Variants in LARS1 observed in about 807,000 individuals in gnomAD.
The protein encoded by LARS1 is leucine--tRNA ligase, cytoplasmic.
A neutral mutation model predicts 162.8 loss-of-function variants in LARS1; 100 were observed. The observed-to-expected ratio is 0.61, with a 90% CI of 0.52 to 0.73. LARS1 has a LOEUF of 0.73. Ranked by LOEUF, LARS1 falls within the 30% of genes least tolerant of loss-of-function variation. The pLI, the probability that LARS1 is intolerant of heterozygous loss-of-function variation, is 0.00. For synonymous variants in LARS1, 457 were observed against 462.8 expected (o/e 0.99, Z 0.16); for missense variants, 1,258 against 1,408.9 (o/e 0.89, Z 1.71).
At chr5:146,135,769 A>C in intron 21 of LARS1, 105 bp from the exon 22 acceptor site, 1 of 719,658 alleles carries the variant, frequency 1.4e-6, no homozygotes, top group Non-Finnish European at 2.2e-6. Context: ...AAAAACAAAA[A>C]AGAATTCAAA....
intron 2 of LARS1, among the ~76,000 whole-genome samples, chr5:146,174,119 A>G (rs1754398656): frequency 7.0e-6 from 1 of 143,444 alleles, no homozygotes; most frequent in African/African-American, 2.6e-5. Flanking sequence ...ACCAGAGACT[A>G]TATTACAGCA....
At chr5:146,117,453 T>C (rs1561793421) in intron 31 of LARS1, among the ~76,000 whole-genome samples, 1 of 152,036 alleles carries the variant, frequency 6.6e-6, no homozygotes, top group Non-Finnish European at 1.5e-5. Context: ...CTACTAAAAA[T>C]AGAAAAATTA....
rs1217443225 is a variant in LARS1 at position 146,126,519 on chromosome 5, G to T, written c.2907C>A (p.Asn969Lys). The change falls in exon 28 of 32, where the codon AAC (asparagine) becomes AAA (lysine). Residue 969 changes from asparagine to lysine, a missense_variant. Asn to Lys is a moderately conservative substitution (Grantham distance 94). Transcript: ENST00000394434. ...TGCCTAGTTCACTAGCAATGACTTT[G>T]TTGTCAGGCAGTTTTCCGTTATTGG... ...FEANNGKLPD[N>K]KVIASELGSM... The T allele has an allele frequency of 1.9e-6, 3 of 1,612,024 alleles. No individual in the cohort carries two copies.
At chr5:146,143,927 G>A (rs994864529) in intron 18 of LARS1, among the ~76,000 whole-genome samples, 47 of 152,100 alleles carry the variant, frequency 3.1e-4, no homozygotes, top group African/African-American at 1.0e-3. Context: ...GCTTGAACCC[G>A]GGAGGCAGAG....
chr5:146,140,888 TATATATACAC>T (rs1379120079), intron 20 of LARS1, among the ~76,000 whole-genome samples: 3 of 152,018 alleles, frequency 2.0e-5, no homozygotes, highest in Admixed American at 2.0e-4. Context: ...CACACACACA[TATATATACAC>T]ATATATACAC....
intron 10 of LARS1, among the ~76,000 whole-genome samples, chr5:146,155,434 T>C (rs978090446): frequency 4.6e-5 from 7 of 152,186 alleles, no homozygotes; most frequent in Admixed American, 2.0e-4. Context: ...AGAACAAGAA[T>C]GGGTACTATA....
rs1561818492 is a variant in LARS1 at position 146,153,290 on chromosome 5, A to C, written c.1231-63T>G. The C allele has an allele frequency of 5.2e-6, 6 of 1,155,232 alleles. No individual in the cohort carries two copies. The East Asian group carries it at 1.4e-4, about 27-fold the overall frequency. 71.6% of individuals were successfully genotyped at this position (1,155,232 alleles called of 1,614,324 possible). On this transcript the variant is annotated intron_variant, in intron 12 of 31. Coordinates refer to ENST00000394434, the MANE Select transcript of LARS1 (RefSeq NM_020117.11). ...ACTTTACTGGGAGAATCATTGAGAGAAGCAATCTCCAAAGTTTCTTAAAAG... is the reference window on the plus strand; with the variant it reads ...ACTTTACTGGGAGAATCATTGAGAGCAGCAATCTCCAAAGTTTCTTAAAAG...
In LARS1 at chr5:146,177,263, G is replaced by GAGACC. The variant is rs1290420924; in HGVS notation, c.125+279_125+283dup. ...GGGTGGATCACGAGGTCAGAAGATC[G>GAGACC]AGACCACCCTGGCTAACACAGTGAA... On this transcript the variant is annotated intron_variant, in intron 2 of 31. Coordinates refer to ENST00000394434, the MANE Select transcript of LARS1 (RefSeq NM_020117.11). Among the ~76,000 whole-genome samples the GAGACC allele has an allele frequency of 1.5e-4, 23 of 151,540 alleles. No homozygotes were observed. The South Asian group carries it at 4.4e-3, about 29-fold the overall frequency.
chr5:146,171,936 G>A lies in LARS1; in HGVS notation c.268C>T (p.Leu90=), dbSNP rs1290481022. The A allele has an allele frequency of 8.7e-6, 14 of 1,613,764 alleles. No individual in the cohort carries two copies. The highest frequency in any genetic ancestry group is 1.2e-5 in the Non-Finnish European group (14 of 1,179,756). Residue 90 remains leucine, a synonymous_variant, in exon 4 of 32, where the codon CTG becomes TTG. Transcript: ENST00000394434. ...KGKCCLFPFG[L]HCTGMPIKAC... ...TTAATAGGCATTCCAGTACAGTGCA[G>A]GCCAAAGGGAAACAGACAACATTTT...
At chr5:146,174,551 T>C (rs1220217739) in intron 2 of LARS1, among the ~76,000 whole-genome samples, 7 of 98,594 alleles carry the variant, frequency 7.1e-5, no homozygotes, top group African/African-American at 2.3e-4. Flanking sequence ...TATATGTATA[T>C]ATCCATATAT....
intron 18 of LARS1, 65 bp downstream of exon 18, chr5:146,144,201 TA>T: frequency 8.2e-7 from 1 of 1,216,618 alleles, no homozygotes; most frequent in Non-Finnish European, 1.2e-6. Context: ...GGGGGAAAGG[TA>T]AAAATGTATA....
At chr5:146,139,039 T>A (rs1453524538) in intron 21 of LARS1, 1 of 151,286 alleles carries the variant, frequency 6.6e-6, no homozygotes, top group South Asian at 4.1e-5. Context: ...AGTGGATTTG[T>A]GAAAAAAAAA....
intron 31 of LARS1, among the ~76,000 whole-genome samples, chr5:146,116,888 A>C (rs1010420902): frequency 2.6e-5 from 4 of 152,220 alleles, no homozygotes; most frequent in African/African-American, 9.6e-5. Flanking sequence ...AAACAGACCA[A>C]TAACTATGTT....
chr5:146,143,177 C>G, intron 19 of LARS1, 93 bp from the exon 20 acceptor site: 1 of 824,238 alleles, frequency 1.2e-6, no homozygotes, highest in Non-Finnish European at 1.7e-6. Context: ...GATTAGGAAT[C>G]TCTTTCTTAA....
At chr5:146,175,349 C>A (rs917115334) in intron 2 of LARS1, among the ~76,000 whole-genome samples, 8 of 150,708 alleles carry the variant, frequency 5.3e-5, no homozygotes, top group Non-Finnish European at 1.0e-4. Flanking sequence ...ACCAGACTGG[C>A]CAACATGGCA....
chr5:146,174,710 C>G (rs902994759), intron 2 of LARS1, among the ~76,000 whole-genome samples: 12 of 150,842 alleles, frequency 8.0e-5, no homozygotes, highest in Non-Finnish European at 5.9e-5. Context: ...TAACCTTGAA[C>G]TGGTTACTTA....
chr5:146,180,500 C>A (rs1754788230), intron 1 of LARS1, among the ~76,000 whole-genome samples: 1 of 151,524 alleles, frequency 6.6e-6, no homozygotes, highest in Non-Finnish European at 1.5e-5. Context: ...GAATGAGACT[C>A]CATTTCAAAA....
At chr5:146,145,987 T>C (rs1752987720) in intron 15 of LARS1, among the ~76,000 whole-genome samples, 1 of 152,194 alleles carries the variant, frequency 6.6e-6, no homozygotes, top group Non-Finnish European at 1.5e-5. Flanking sequence ...TGAAAAGCAA[T>C]CCACTCTGCA....
Position 146,128,879 on chromosome 5 carries a change from A to G in LARS1, c.2770-97T>C. ...AACATACACCACCACGGTCTTCACC[A>G]TTAATGAAAATCTTTTTAACTTTCA... On this transcript the variant is annotated intron_variant, in intron 26 of 31. Transcript: ENST00000394434. 1.4e-6 allele frequency: 2 copies of G among 1,426,374 alleles called. 1 individual carries two copies. The highest frequency in any genetic ancestry group is 2.5e-5 in the South Asian group (2 of 79,628). 88.4% of individuals were successfully genotyped at this position (1,426,374 alleles called of 1,614,324 possible). A position where few individuals can be genotyped will look rare whatever the true frequency, so the allele number is the denominator to read the frequency against.
Sources: allele counts gnomAD v4.1 joint callset (sites outside exome capture counted in the v4.1 genomes callset), GRCh38; gene constraint gnomAD v4.1.1; transcripts MANE v1.5; gene names NCBI Gene and HGNC (gene_info 2026-07-23, HGNC 2026-07-21).